PARVA: variants seen among roughly 807,000 people sequenced by gnomAD.
PARVA encodes the protein parvin alpha.
PARVA carries 25 observed loss-of-function variants against 52.6 expected under a neutral mutation model. The observed-to-expected ratio is 0.48, with a 90% CI of 0.35 to 0.66. PARVA has a LOEUF of 0.66. PARVA is among the 30% of genes least tolerant of loss of function. The probability of loss-of-function intolerance (pLI) is 0.01; values close to 1 mark genes in which losing one functional copy is unlikely to be tolerated. For missense variants in PARVA, 373 were observed against 450.9 expected, an observed-to-expected ratio of 0.83 and a Z score of 1.56; for synonymous variants, 185 against 179.1, an observed-to-expected ratio of 1.03 and a Z score of -0.26.
intron 1 of PARVA, among the ~76,000 whole-genome samples, chr11:12,469,661 T>C: frequency 6.6e-6 from 1 of 152,202 alleles, no homozygotes; most frequent in East Asian, 1.9e-4. Context: ...GCATATTCAC[T>C]TTTACAAACA....
chr11:12,439,564 A>T (rs12795261), intron 1 of PARVA, among the ~76,000 whole-genome samples: 1 of 152,308 alleles, frequency 6.6e-6, no homozygotes, highest in African/African-American at 2.4e-5. Context: ...AGCTGAAGGG[A>T]CAGGCCTGGG....
chr11:12,506,536 G>C (rs1941433500), intron 6 of PARVA, among the ~76,000 whole-genome samples: 1 of 152,142 alleles, frequency 6.6e-6, no homozygotes, highest in African/African-American at 2.4e-5. Context: ...AGGAGAGAGG[G>C]GGCTTCTATT....
chr11:12,485,497 T>C (rs1402204449), intron 4 of PARVA, among the ~76,000 whole-genome samples: 1 of 152,066 alleles, frequency 6.6e-6, no homozygotes, highest in East Asian at 1.9e-4. Flanking sequence ...GGGCCACACA[T>C]TGAAAATGTC....
At chr11:12,458,754 G>A (rs1451144319) in intron 1 of PARVA, among the ~76,000 whole-genome samples, 2 of 152,098 alleles carry the variant, frequency 1.3e-5, no homozygotes, top group African/African-American at 4.8e-5. Flanking sequence ...TTTGGCTTCT[G>A]AAGCCCCCTC....
chr11:12,390,064 T>C (rs1207635578), intron 1 of PARVA, among the ~76,000 whole-genome samples: 1 of 152,204 alleles, frequency 6.6e-6, no homozygotes, highest in Non-Finnish European at 1.5e-5. Flanking sequence ...TTGGGGATGA[T>C]GATGAACTAC....
chr11:12,501,431 G>T (rs1341123478), intron 5 of PARVA, among the ~76,000 whole-genome samples: 1 of 151,962 alleles, frequency 6.6e-6, no homozygotes, highest in East Asian at 1.9e-4. Context: ...ATTCAACTAT[G>T]GTTGGTCCAA....
chr11:12,388,743 G>GT (rs953161586), intron 1 of PARVA, among the ~76,000 whole-genome samples: 23 of 151,444 alleles, frequency 1.5e-4, no homozygotes, highest in South Asian at 4.2e-4. Flanking sequence ...GTAAAGATAA[G>GT]TTTTTTTATC....
chr11:12,509,434 A>T (rs1377248905), intron 7 of PARVA, among the ~76,000 whole-genome samples: 1 of 152,036 alleles, frequency 6.6e-6, no homozygotes, highest in African/African-American at 2.4e-5. Flanking sequence ...GGTAGGAAAG[A>T]TTTACTGTGG....
chr11:12,468,016 A>G (rs905012153), intron 1 of PARVA, among the ~76,000 whole-genome samples: 1 of 152,182 alleles, frequency 6.6e-6, no homozygotes, highest in Non-Finnish European at 1.5e-5. Flanking sequence ...ATTTTTACAC[A>G]AGATGTGCCT....
intron 1 of PARVA, among the ~76,000 whole-genome samples, chr11:12,407,927 C>G (rs1939937233): frequency 6.6e-6 from 1 of 152,240 alleles, no homozygotes; most frequent in Admixed American, 6.5e-5. Flanking sequence ...ACAGGCTTCT[C>G]TGTTGTTCAG....
At chr11:12,433,967 C>G (rs1940351735) in intron 1 of PARVA, among the ~76,000 whole-genome samples, 1 of 152,284 alleles carries the variant, frequency 6.6e-6, no homozygotes, top group South Asian at 2.1e-4. Context: ...CTCTCTGTTT[C>G]TCTCCAACAC....
chr11:12,407,140 G>A (rs1283536195), intron 1 of PARVA, among the ~76,000 whole-genome samples: 1 of 152,136 alleles, frequency 6.6e-6, no homozygotes, highest in African/African-American at 2.4e-5. Context: ...CTGGGATGTT[G>A]CTTCTCAAAG....
intron 4 of PARVA, among the ~76,000 whole-genome samples, chr11:12,490,594 C>A (rs949476275): frequency 1.3e-5 from 2 of 151,022 alleles, no homozygotes; most frequent in Non-Finnish European, 2.9e-5. Context: ...TACCAATAGA[C>A]CCCCGCAAAG....
In PARVA at chr11:12,499,927, T is replaced by C. The variant is rs570465894; in HGVS notation, c.541+3329T>C. 5.3e-4 allele frequency among the ~76,000 whole-genome samples: 81 copies of C among 152,342 alleles called. 1 individual carries two copies. In the South Asian group the frequency reaches 0.017, roughly 31 times the overall value. ...CTTCTGTATGTCACTTTTAATACTA[T>C]ATAATGTGACATTGTATGGATCTAC... On this transcript the variant is annotated intron_variant, in intron 5 of 12. Coordinates refer to ENST00000334956, the MANE Select transcript of PARVA (RefSeq NM_018222.5).
chr11:12,429,978 A>G (rs984063875), intron 1 of PARVA, among the ~76,000 whole-genome samples: 4 of 152,106 alleles, frequency 2.6e-5, no homozygotes, highest in African/African-American at 9.7e-5. Context: ...GTTATTCATG[A>G]TATAATGACT....
At position 12,532,832 on chromosome 11, in the gene PARVA, A is replaced by C. The variant is rs929626117; in HGVS notation, c.*4907A>C. On this transcript the variant is annotated 3_prime_UTR_variant, in exon 13 of 13. Transcript: ENST00000334956. ...GAAAGCCAGCATGGCTAGAGGACAC[A>C]GAATGAGGGAGAAGACGGATCCGAT... Among the ~76,000 whole-genome samples, 4 of 152,214 alleles carry C rather than the reference A, an allele frequency of 2.6e-5. No individual in the cohort carries two copies. Among genetic ancestry groups the C allele is most frequent in the African/African-American group, 4.8e-5 (2 of 41,464 alleles).
In PARVA at chr11:12,533,891, G is replaced by C. The variant is rs952726330; in HGVS notation, c.*5966G>C. 6.6e-6 allele frequency among the ~76,000 whole-genome samples: 1 copy of C among 151,898 alleles called. No individual in the cohort carries two copies. The highest frequency in any genetic ancestry group is 1.5e-5 in the Non-Finnish European group (1 of 67,984). On this transcript the variant is annotated 3_prime_UTR_variant, in exon 13 of 13. Transcript: ENST00000334956. ...GAGGCAGAAAAAAAATCCATGGGCC[G>C]AGCACGGTGGCTCACACCTGTAATC...
intron 1 of PARVA, among the ~76,000 whole-genome samples, chr11:12,402,550 C>T (rs1939844739): frequency 6.6e-6 from 1 of 152,186 alleles, no homozygotes; most frequent in South Asian, 2.1e-4. Flanking sequence ...TTGAAAATTA[C>T]TTAACCACAT....
chr11:12,528,787 T>C lies in PARVA; in HGVS notation c.*862T>C, dbSNP rs966249969. 1.3e-5 allele frequency: 2 copies of C among 152,552 alleles called. No homozygotes were observed. The highest frequency in any genetic ancestry group is 4.8e-5 in the African/African-American group (2 of 41,458). 9.4% of individuals were successfully genotyped at this position (152,552 alleles called of 1,614,324 possible). On this transcript the variant is annotated 3_prime_UTR_variant, in exon 13 of 13. Coordinates refer to ENST00000334956, the MANE Select transcript of PARVA (RefSeq NM_018222.5). ...GGAGTCATGTCCCTCACATCCTTTGTACAAATGAAAATTACTCTTAATTCC... is the reference window on the plus strand; with the variant it reads ...GGAGTCATGTCCCTCACATCCTTTGCACAAATGAAAATTACTCTTAATTCC...
Sources: allele counts gnomAD v4.1 joint callset (sites outside exome capture counted in the v4.1 genomes callset), GRCh38; gene constraint gnomAD v4.1.1; transcripts MANE v1.5; gene names NCBI Gene and HGNC (gene_info 2026-07-23, HGNC 2026-07-21).